IGF2R: variants seen among roughly 807,000 people sequenced by gnomAD.
The protein encoded by IGF2R is insulin like growth factor 2 receptor.
In IGF2R, 91 loss-of-function variants were observed where a neutral mutation model predicts 270.6. That is an observed-to-expected ratio of 0.34 (90% CI 0.28 to 0.40). The LOEUF (loss-of-function observed/expected upper bound fraction) is 0.40. IGF2R is among the 10% of genes least tolerant of loss of function. IGF2R has a pLI of 1.00. For synonymous variants in IGF2R, 1,316 were observed against 1,258.9 expected, an observed-to-expected ratio of 1.05 and a Z score of -0.96; for missense variants, 2,805 against 3,188.3, an observed-to-expected ratio of 0.88 and a Z score of 2.90.
At position 159,991,244 on chromosome 6, in the gene IGF2R, A is replaced by C; in HGVS notation, c.210A>C (p.Gly70=). The C allele has an allele frequency of 6.2e-7, 1 of 1,613,696 alleles. No individual in the cohort carries two copies. Among genetic ancestry groups the C allele is most frequent in the South Asian group, 1.1e-5 (1 of 91,000 alleles). The change falls in exon 2 of 48, where the codon GGA becomes GGC. Residue 70 remains glycine, a synonymous_variant. Coordinates refer to ENST00000356956, the MANE Select transcript of IGF2R (RefSeq NM_000876.4). ...TACTTTATAAAATCAACATCTGTGG[A>C]AGTGTGGATATTGTCCAGTGCGGGC... ...NNVLYKINIC[G]SVDIVQCGPS...
intron 2 of IGF2R, among the ~76,000 whole-genome samples, chr6:159,991,734 CCAGA>C (rs1252115707): frequency 6.6e-6 from 1 of 152,172 alleles, no homozygotes; most frequent in East Asian, 1.9e-4. Context: ...GCTGTAGTTC[CCAGA>C]CAGTGTTTCT....
At chr6:160,085,545 T>C (rs1779081898) in intron 41 of IGF2R, among the ~76,000 whole-genome samples, 1 of 152,240 alleles carries the variant, frequency 6.6e-6, no homozygotes, top group African/African-American at 2.4e-5. Context: ...CTTTGTAAAA[T>C]GTCTTAACAA....
intron 1 of IGF2R, among the ~76,000 whole-genome samples, chr6:159,983,189 T>G (rs914157993): frequency 1.3e-5 from 2 of 152,230 alleles, no homozygotes; most frequent in African/African-American, 4.8e-5. Context: ...CATTGACTTC[T>G]TCATTGCAGC....
chr6:159,991,589 T>C (rs1783980558), intron 2 of IGF2R, among the ~76,000 whole-genome samples: 1 of 152,106 alleles, frequency 6.6e-6, no homozygotes, highest in Admixed American at 6.5e-5. Context: ...GTGTATTTGA[T>C]ATTGAAAGCT....
chr6:160,104,989 A>C lies in IGF2R; in HGVS notation c.7381A>C (p.Lys2461Gln). 6.2e-7 allele frequency: 1 copy of C among 1,613,984 alleles called. No homozygotes were observed. The highest frequency in any genetic ancestry group is 1.7e-5 in the Admixed American group (1 of 60,028). The change falls in exon 48 of 48, where the codon AAA (lysine) becomes CAA (glutamine). Residue 2461 changes from lysine to glutamine, a missense_variant. Physicochemically the swap from Lys to Gln is moderately conservative, Grantham distance 53 (BLOSUM62 1). Around this residue, in one of 2 missense-constraint regions of IGF2R, gnomAD observed 1,851 missense variants for 2,207.2 expected, o/e 0.84. Coordinates refer to ENST00000356956, the MANE Select transcript of IGF2R (RefSeq NM_000876.4). ...VGLVRGEKAR[K>Q]GKSSSAQQKT... Reference sequence around the variant, plus strand: ...GCTGGTCAGGGGTGAGAAGGCGAGGAAAGGGAAGTCCAGCTCTGCACAGCA... The same window carrying C: ...GCTGGTCAGGGGTGAGAAGGCGAGGCAAGGGAAGTCCAGCTCTGCACAGCA...
At chr6:160,037,773 G>C (rs1333993110) in intron 10 of IGF2R, among the ~76,000 whole-genome samples, 2 of 152,102 alleles carry the variant, frequency 1.3e-5, no homozygotes, top group Non-Finnish European at 2.9e-5. Context: ...TTCAGTGCTA[G>C]TCTTTGGGGA....
At chr6:159,986,740 C>CT (rs34584468) in intron 1 of IGF2R, among the ~76,000 whole-genome samples, 1,667 of 144,350 alleles carry the variant, frequency 0.012, 28 homozygotes, top group African/African-American at 0.038. Flanking sequence ...ATATTGATCT[C>CT]TTTTTTTTTT....
intron 44 of IGF2R, among the ~76,000 whole-genome samples, chr6:160,092,241 C>T (rs551705660): frequency 7.3e-6 from 1 of 137,096 alleles, no homozygotes; most frequent in Admixed American, 7.2e-5. Context: ...AGCAGGGTGA[C>T]ACCGCTGGTG....
chr6:160,069,376 C>T (rs1778664803), intron 30 of IGF2R, among the ~76,000 whole-genome samples: 1 of 152,132 alleles, frequency 6.6e-6, no homozygotes, highest in Admixed American at 6.6e-5. Context: ...GGTTCCACTT[C>T]CCCTTGCTGC....
intron 1 of IGF2R, among the ~76,000 whole-genome samples, chr6:159,988,160 G>A (rs1446670794): frequency 1.3e-5 from 2 of 151,894 alleles, no homozygotes; most frequent in African/African-American, 2.4e-5. Flanking sequence ...TGCTCCCCAA[G>A]CAAACACACT....
At chr6:159,972,587 A>G (rs932436758) in intron 1 of IGF2R, among the ~76,000 whole-genome samples, 2 of 152,364 alleles carry the variant, frequency 1.3e-5, no homozygotes, top group Admixed American at 1.3e-4. Flanking sequence ...TTTCATCTGC[A>G]GTCGCTTAGA....
intron 18 of IGF2R, among the ~76,000 whole-genome samples, chr6:160,049,421 G>C (rs1778145141): frequency 6.6e-6 from 1 of 152,198 alleles, no homozygotes; most frequent in South Asian, 2.1e-4. Context: ...AAGTTGAACA[G>C]GGGGACACTC....
At position 160,060,602 on chromosome 6, in the gene IGF2R, G is replaced by A. The variant is rs2115261520; in HGVS notation, c.3147G>A (p.Gly1049=). ...TTTGCAATGATGATGTTTACTCAGG[G>A]CCCCTCAAATTCCTGCATCAAGATA... ...RFVCNDDVYS[G]PLKFLHQDID... Residue 1049 remains glycine (G), a synonymous_variant, in exon 23 of 48, where the codon GGG becomes GGA. Transcript: ENST00000356956. 1.9e-6 allele frequency: 3 copies of A among 1,614,234 alleles called. No individual in the cohort carries two copies. Among genetic ancestry groups the A allele is most frequent in the Middle Eastern group, 1.6e-4 (1 of 6,062 alleles).
rs1336377177 is a variant in IGF2R, at chr6:159,976,872, G to A, written c.149+7477G>A. On this transcript the variant is annotated intron_variant, in intron 1 of 47. Coordinates refer to ENST00000356956, the MANE Select transcript of IGF2R (RefSeq NM_000876.4). ...CCTAGTCAAGTTGGGAGGGTATTAT[G>A]TGTTTGGAAAAAAAGTTCTCTGTTT... is the stretch of plus-strand genomic sequence containing the variant. 3.3e-5 allele frequency among the ~76,000 whole-genome samples: 5 copies of A among 152,266 alleles called. No homozygotes were observed. In the South Asian group the frequency reaches 1.0e-3, roughly 32 times the overall value.
chr6:160,072,638 C>T, intron 32 of IGF2R, 127 bp from the exon 33 acceptor site: 2 of 933,402 alleles, frequency 2.1e-6, no homozygotes, highest in Non-Finnish European at 3.4e-6. Context: ...GGATTTAGGA[C>T]AGGGGTCGTG....
At chr6:159,995,237 A>T (rs556650095) in intron 2 of IGF2R, among the ~76,000 whole-genome samples, 16 of 150,712 alleles carry the variant, frequency 1.1e-4, no homozygotes, top group African/African-American at 3.9e-4. Flanking sequence ...AGTCTCTTTT[A>T]TCTAAATGTT....
chr6:160,024,528 C>A lies in IGF2R; in HGVS notation c.514-44C>A, dbSNP rs1777510615. ...TTGGTCATAAGCTTTTCTGATTGAC[C>A]AAGATGTATACTGAAGACTCACTTT... On this transcript the variant is annotated intron_variant, in intron 4 of 47. Coordinates refer to ENST00000356956, the MANE Select transcript of IGF2R (RefSeq NM_000876.4). The A allele has an allele frequency of 1.9e-6, 3 of 1,600,200 alleles. No individual in the cohort carries two copies. The Middle Eastern group carries it at 5.5e-4, about 295-fold the overall frequency.
intron 37 of IGF2R, among the ~76,000 whole-genome samples, chr6:160,079,204 C>T (rs1303942080): frequency 2.6e-5 from 4 of 152,180 alleles, no homozygotes; most frequent in Admixed American, 6.5e-5. Flanking sequence ...CGTGCAGCGT[C>T]GGCTCTGCTC....
chr6:160,048,527 A>G lies in IGF2R; in HGVS notation c.2498A>G (p.Lys833Arg). Residue 833 changes from lysine (K) to arginine (R), a missense_variant, in exon 18 of 48, where the codon AAG (lysine) becomes AGG (arginine). Around this residue, in one of 2 missense-constraint regions of IGF2R, gnomAD observed 1,851 missense variants for 2,207.2 expected, o/e 0.84. Coordinates refer to ENST00000356956, the MANE Select transcript of IGF2R (RefSeq NM_000876.4). ...CGATATGCATCGGCTTGCCAGATGA[A>G]GTATGAAAAAGATCAGGTGAATCTG... ...CNRYASACQM[K>R]YEKDQGSFTE... The G allele has an allele frequency of 6.2e-7, 1 of 1,613,754 alleles. No individual in the cohort carries two copies.
Sources: allele counts gnomAD v4.1 joint callset (sites outside exome capture counted in the v4.1 genomes callset), GRCh38; gene constraint gnomAD v4.1.1; regional missense constraint gnomAD v4.1.1; transcripts MANE v1.5; gene names NCBI Gene and HGNC (gene_info 2026-07-23, HGNC 2026-07-21).